Variants in FNIP1 observed in about 807,000 individuals in gnomAD.
FNIP1 encodes folliculin-interacting protein 1.
A neutral mutation model predicts 124.5 loss-of-function variants in FNIP1; 40 were observed. The observed-to-expected ratio is 0.32, with a 90% CI of 0.25 to 0.42. The LOEUF is 0.42. FNIP1 is among the 10% of genes least tolerant of loss of function. The pLI, the probability that FNIP1 is intolerant of heterozygous loss-of-function variation, is 1.00. For synonymous variants in FNIP1, 472 were observed against 470.6 expected (o/e 1.00, Z -0.04); for missense variants, 1,176 against 1,403.7 (o/e 0.84, Z 2.59).
intron 6 of FNIP1, among the ~76,000 whole-genome samples, chr5:131,715,128 G>A (rs1044642755): frequency 6.6e-6 from 1 of 152,190 alleles, no homozygotes; most frequent in Non-Finnish European, 1.5e-5. Context: ...GTGAAGACAA[G>A]TATATCTAAC....
chr5:131,675,619 C>G (rs1767887167), intron 13 of FNIP1, among the ~76,000 whole-genome samples: 2 of 152,076 alleles, frequency 1.3e-5, no homozygotes. Flanking sequence ...AAAGTATATA[C>G]TGCATGATTC....
chr5:131,699,006 GA>G lies in FNIP1; in HGVS notation c.1117-5del. The G allele has an allele frequency of 6.2e-7, 1 of 1,603,570 alleles. No homozygotes were observed. Among genetic ancestry groups the G allele is most frequent in the Non-Finnish European group, 8.5e-7 (1 of 1,176,820 alleles). ...ATCTCCGGCTCATTTTCATAGCCTT[GA>G]AAACAATCATTGAGATAGTTAATTC... On this transcript the variant is annotated splice_region_variant and splice_polypyrimidine_tract_variant and intron_variant, in intron 10 of 17. Transcript: ENST00000510461.
rs1245301257 is a variant in FNIP1, at chr5:131,647,107, C to A, written c.3405G>T (p.Glu1135Asp). Residue 1135 changes from glutamate (E) to aspartate (D), a missense_variant, in exon 17 of 18, where the codon GAG becomes GAT. By Grantham distance (45) the Glu-to-Asp change is conservative (BLOSUM62 2). This residue lies in a region of FNIP1 where 67 missense variants were observed against 115.2 expected (regional missense o/e 0.58). Coordinates refer to ENST00000510461, the MANE Select transcript of FNIP1 (RefSeq NM_133372.3). ...LRGQMRVHVK[E>D]LGVVLGIESS... ...TAACATACCCCAGAACCACTCCCAGCTCCTTGACATGAACACGCATCTGCC... is the reference window on the plus strand; with the variant it reads ...TAACATACCCCAGAACCACTCCCAGATCCTTGACATGAACACGCATCTGCC... 6 of 1,614,034 alleles carry A rather than the reference C, an allele frequency of 3.7e-6. No homozygotes were observed. In the Admixed American group the frequency reaches 5.0e-5, roughly 13 times the overall value.
chr5:131,791,754 A>G lies in FNIP1; in HGVS notation c.92+5076T>C, dbSNP rs557300458. ...ACTGATTCAAACAAAACTACCATAA[A>G]AAGACATATTGAGATGACACCAAAT... On this transcript the variant is annotated intron_variant, in intron 1 of 17. Coordinates refer to ENST00000510461, the MANE Select transcript of FNIP1 (RefSeq NM_133372.3). Among the ~76,000 whole-genome samples, 17 of 152,354 alleles carry G rather than the reference A, an allele frequency of 1.1e-4. No individual in the cohort carries two copies. The South Asian group carries it at 3.5e-3, about 32-fold the overall frequency.
intron 1 of FNIP1, among the ~76,000 whole-genome samples, chr5:131,778,291 A>C (rs954364754): frequency 2.0e-5 from 3 of 152,218 alleles, no homozygotes; most frequent in African/African-American, 7.2e-5. Flanking sequence ...AAGCCTCTAG[A>C]TCTAACTCTC....
intron 15 of FNIP1, among the ~76,000 whole-genome samples, chr5:131,664,971 T>G (rs892069176): frequency 6.6e-6 from 1 of 151,490 alleles, no homozygotes; most frequent in Non-Finnish European, 1.5e-5. Context: ...CTTGTGTATT[T>G]ATCTGTGTAA....
Position 131,764,288 on chromosome 5 carries a change from C to T in FNIP1, c.93-19598G>A, listed in dbSNP as rs139529844. ...TCTCAGGTATTTCTTTATAGCAATA[C>T]AAGAATGGCCTAAAACACCTTTTTT... is the stretch of plus-strand genomic sequence containing the variant. On this transcript the variant is annotated intron_variant, in intron 1 of 17. Transcript: ENST00000510461. 1.8e-4 allele frequency among the ~76,000 whole-genome samples: 27 copies of T among 149,718 alleles called. No individual in the cohort carries two copies. The East Asian group carries it at 5.2e-3, about 29-fold the overall frequency.
rs186088140 is a variant in FNIP1 at position 131,685,210 on chromosome 5, T to C, written c.1203-6035A>G. ...GAGTTCAAGATTAGCCTGGACAACA[T>C]AGTAACCCCATTATACAACATATTT... On this transcript the variant is annotated intron_variant, in intron 11 of 17. Transcript: ENST00000510461. Among the ~76,000 whole-genome samples, 290 of 152,186 alleles carry C rather than the reference T, an allele frequency of 1.9e-3. 1 individual carries two copies. Among genetic ancestry groups the C allele is most frequent in the African/African-American group, 5.9e-3 (246 of 41,526 alleles).
At chr5:131,644,807 T>C in intron 17 of FNIP1, 44 bp from the exon 18 acceptor site, 1 of 1,583,204 alleles carries the variant, frequency 6.3e-7, no homozygotes, top group East Asian at 2.2e-5. Flanking sequence ...TTTTCTGTAC[T>C]GAGGACATGA....
intron 7 of FNIP1, among the ~76,000 whole-genome samples, chr5:131,709,489 A>G (rs1338638230): frequency 1.3e-5 from 2 of 152,238 alleles, no homozygotes; most frequent in African/African-American, 4.8e-5. Context: ...AATCTAAAAC[A>G]TAATATCTAA....
Position 131,670,544 on chromosome 5 carries a change from C to T in FNIP1, c.3027G>A (p.Val1009=). 1 of 1,613,876 alleles carries T rather than the reference C, an allele frequency of 6.2e-7. No homozygotes were observed. Among genetic ancestry groups the T allele is most frequent in the South Asian group, 1.1e-5 (1 of 91,038 alleles). The change falls in exon 15 of 18, where the codon GTG becomes GTA. Residue 1009 remains valine (V), a synonymous_variant. Coordinates refer to ENST00000510461, the MANE Select transcript of FNIP1 (RefSeq NM_133372.3). Reference sequence around the variant, plus strand: ...CAATTCCTTGAAGAACAAAGTCAGGCACATAAGATGAGCAGTAGCCACCCA... The same window carrying T: ...CAATTCCTTGAAGAACAAAGTCAGGTACATAAGATGAGCAGTAGCCACCCA... ...SLLGGYCSSY[V]PDFVLQGIGS...
intron 1 of FNIP1, among the ~76,000 whole-genome samples, chr5:131,762,443 G>A (rs758307271): frequency 6.6e-6 from 1 of 152,132 alleles, no homozygotes; most frequent in Non-Finnish European, 1.5e-5. Flanking sequence ...CAAAAGACCT[G>A]AATAGACATT....
chr5:131,705,132 A>T (rs1256537985), intron 9 of FNIP1, among the ~76,000 whole-genome samples: 1 of 152,154 alleles, frequency 6.6e-6, no homozygotes, highest in East Asian at 1.9e-4. Context: ...GGACTTAAAT[A>T]GACATTTCTC....
At chr5:131,718,039 A>G (rs1186961425) in intron 5 of FNIP1, among the ~76,000 whole-genome samples, 1 of 151,488 alleles carries the variant, frequency 6.6e-6, no homozygotes, top group Non-Finnish European at 1.5e-5. Context: ...AAAAAAAAAA[A>G]AAGTCAGCCG....
At chr5:131,686,570 TA>T (rs1388166179) in intron 11 of FNIP1, among the ~76,000 whole-genome samples, 1 of 152,214 alleles carries the variant, frequency 6.6e-6, no homozygotes, top group Non-Finnish European at 1.5e-5. Context: ...ATTTTGTGGG[TA>T]CACTGTAAGT....
At position 131,706,629 on chromosome 5, in the gene FNIP1, G is replaced by C. The variant is rs1260953076; in HGVS notation, c.779-83C>G. 7 of 1,321,538 alleles carry C rather than the reference G, an allele frequency of 5.3e-6. No homozygotes were observed. The East Asian group carries it at 1.6e-4, about 31-fold the overall frequency. The allele number at this position is 1,321,538 out of a possible 1,614,324, so 81.9% of individuals were successfully genotyped here. A position where few individuals can be genotyped will look rare whatever the true frequency, so the allele number is the denominator to read the frequency against. ...TTTCTTTTTAACAAAATTACAAATA[G>C]GTTAAGTTAAACTTTATTTTGCTTC... is the stretch of plus-strand genomic sequence containing the variant. On this transcript the variant is annotated intron_variant, in intron 8 of 17. Coordinates refer to ENST00000510461, the MANE Select transcript of FNIP1 (RefSeq NM_133372.3).
At position 131,785,059 on chromosome 5, in the gene FNIP1, C is replaced by G. The variant is rs200200922; in HGVS notation, c.92+11771G>C. Among the ~76,000 whole-genome samples the G allele has an allele frequency of 6.5e-3, 71 of 10,924 alleles. 1 individual carries two copies. The highest frequency in any genetic ancestry group is 0.01 in the Non-Finnish European group (31 of 2,992). The allele number at this position is 10,924 out of a possible 152,430, so 7.2% of individuals were successfully genotyped here. A position where few individuals can be genotyped will look rare whatever the true frequency, so the allele number is the denominator to read the frequency against. ...ATATGATATATATGACTATATATAT[C>G]ATATATATGATATATATGACATATA... On this transcript the variant is annotated intron_variant, in intron 1 of 17. Coordinates refer to ENST00000510461, the MANE Select transcript of FNIP1 (RefSeq NM_133372.3).
chr5:131,682,544 T>A (rs1213303789), intron 11 of FNIP1, among the ~76,000 whole-genome samples: 2 of 151,584 alleles, frequency 1.3e-5, no homozygotes, highest in African/African-American at 4.8e-5. Flanking sequence ...CATGGCAAAA[T>A]CCCGTCTACT....
chr5:131,782,923 G>A (rs1246207616), intron 1 of FNIP1, among the ~76,000 whole-genome samples: 1 of 152,172 alleles, frequency 6.6e-6, no homozygotes, highest in Non-Finnish European at 1.5e-5. Flanking sequence ...TCGGCCTCCC[G>A]ACGTGCTGGG....
Sources: gnomAD v4.1 joint callset for allele counts (sites outside exome capture counted in the v4.1 genomes callset) on GRCh38, gnomAD v4.1.1 for gene constraint, gnomAD v4.1.1 regional missense constraint, MANE v1.5 for transcripts, NCBI Gene and HGNC (gene_info 2026-07-23, HGNC 2026-07-21) for gene names.